SIGLEC15: variants seen among roughly 807,000 people sequenced by gnomAD.
The protein encoded by SIGLEC15 is sialic acid binding Ig like lectin 15.
In SIGLEC15, 31 loss-of-function variants were observed where a neutral mutation model predicts 26.2. The observed-to-expected ratio is 1.18, with a 90% CI of 0.89 to 1.60. The LOEUF (loss-of-function observed/expected upper bound fraction) is 1.60, where lower values mean the gene tolerates loss of function less well. Among genes scored for constraint, SIGLEC15 ranks in the 40% most tolerant of loss-of-function variants. The pLI is 0.00. For missense variants in SIGLEC15, 501 were observed against 488.4 expected (o/e 1.03, Z -0.24); for synonymous variants, 207 against 221.9 (o/e 0.93, Z 0.60).
intron 5 of SIGLEC15, 69 bp from the exon 6 acceptor site, chr18:45,842,037 G>T (rs1220028180): frequency 1.4e-6 from 2 of 1,421,086 alleles, no homozygotes; most frequent in Non-Finnish European, 2.0e-6. Context: ...CCCACTGCTG[G>T]CATATAGTTT....
intron 1 of SIGLEC15, among the ~76,000 whole-genome samples, chr18:45,836,251 C>T (rs1401455919): frequency 6.6e-5 from 10 of 152,252 alleles, no homozygotes; most frequent in Admixed American, 5.2e-4. Context: ...ATTTTCTCAC[C>T]TTTAATAATA....
In SIGLEC15 at chr18:45,838,964, C is replaced by T; in HGVS notation, c.743C>T (p.Ala248Val). 6.2e-7 allele frequency: 1 copy of T among 1,604,000 alleles called. No homozygotes were observed. ...GCCAACAGCCTGGGCCGCTCCGAGGCCAGCGTCTACCTGTTCCGCTTCCAT... is the reference window on the plus strand; with the variant it reads ...GCCAACAGCCTGGGCCGCTCCGAGGTCAGCGTCTACCTGTTCCGCTTCCAT... ...TAANSLGRSE[A>V]SVYLFRFHGA... The change falls in exon 4 of 6, where the codon GCC becomes GTC. Residue 248 changes from alanine (A) to valine (V), a missense_variant. Ala to Val is a moderately conservative substitution (Grantham distance 64, BLOSUM62 0). Transcript: ENST00000389474.
intron 1 of SIGLEC15, among the ~76,000 whole-genome samples, chr18:45,830,752 A>ACT (rs2048228519): frequency 8.5e-6 from 1 of 118,140 alleles, no homozygotes; most frequent in Admixed American, 9.1e-5. Context: ...TGCCAGGCTA[A>ACT]TTTTTTTTTT....
intron 1 of SIGLEC15, among the ~76,000 whole-genome samples, chr18:45,833,663 C>T (rs139152638): frequency 4.1e-4 from 62 of 152,236 alleles, no homozygotes; most frequent in Admixed American, 1.4e-3. Context: ...TATATCCTGA[C>T]GTACAGATTT....
At chr18:45,828,720 C>A (rs936910589) in intron 1 of SIGLEC15, among the ~76,000 whole-genome samples, 1 of 152,240 alleles carries the variant, frequency 6.6e-6, no homozygotes, top group African/African-American at 2.4e-5. Flanking sequence ...TGTGCATCCA[C>A]CTCTCCCGCA....
At chr18:45,833,192 G>T (rs564085187) in intron 1 of SIGLEC15, among the ~76,000 whole-genome samples, 9 of 152,268 alleles carry the variant, frequency 5.9e-5, no homozygotes, top group African/African-American at 2.2e-4. Context: ...ACTACCCAGG[G>T]TTAAGCCTTG....
intron 1 of SIGLEC15, 148 bp from the exon 2 acceptor site, chr18:45,836,881 C>G: frequency 1.8e-6 from 1 of 565,800 alleles, no homozygotes; most frequent in Non-Finnish European, 3.2e-6. Flanking sequence ...AAGTTCCCAG[C>G]CTCTAGTGCA....
chr18:45,838,036 C>T (rs1051718483), intron 3 of SIGLEC15, 140 bp downstream of exon 3: 2 of 1,116,302 alleles, frequency 1.8e-6, no homozygotes, highest in Non-Finnish European at 2.4e-6. Context: ...CCCCAGGGAT[C>T]TCACACCTGG....
At position 45,837,894 on chromosome 18, in the gene SIGLEC15, C is replaced by T; in HGVS notation, c.494C>T (p.Thr165Ile). 6.6e-7 allele frequency: 1 copy of T among 1,510,810 alleles called. No individual in the cohort carries two copies. The highest frequency in any genetic ancestry group is 8.8e-7 in the Non-Finnish European group (1 of 1,140,664). The allele number at this position is 1,510,810 out of a possible 1,614,324, so 93.6% of individuals were successfully genotyped here. A position where few individuals can be genotyped will look rare whatever the true frequency, so the allele number is the denominator to read the frequency against. The stretch of plus-strand genomic sequence containing the variant: ...CGCCACGGCGTCCGGCTGCACGTGA[C>T]AGGCGAGGCGGCGTGGGAGCGGGTC... ...ESRHGVRLHV[T>I]AAPRIVNISV... Residue 165 changes from threonine (T) to isoleucine (I), a missense_variant and splice_region_variant, in exon 3 of 6, where the codon ACA (threonine) becomes ATA (isoleucine). By Grantham distance (89) the Thr-to-Ile change is moderately conservative. Coordinates refer to ENST00000389474, the MANE Select transcript of SIGLEC15 (RefSeq NM_213602.3).
chr18:45,836,717 G>A (rs2048279004), intron 1 of SIGLEC15, among the ~76,000 whole-genome samples: 1 of 152,230 alleles, frequency 6.6e-6, no homozygotes, highest in African/African-American at 2.4e-5. Flanking sequence ...AGGCACTAGG[G>A]AAGCCAGTCA....
At chr18:45,830,357 G>C (rs1479532504) in intron 1 of SIGLEC15, among the ~76,000 whole-genome samples, 1 of 152,214 alleles carries the variant, frequency 6.6e-6, no homozygotes, top group Non-Finnish European at 1.5e-5. Flanking sequence ...TTCGGCATCA[G>C]TCAACTGCTC....
At position 45,827,330 on chromosome 18, in the gene SIGLEC15, G is replaced by A. The variant is rs564700933; in HGVS notation, c.52+1550G>A. 6.4e-4 allele frequency among the ~76,000 whole-genome samples: 98 copies of A among 152,302 alleles called. No individual in the cohort carries two copies. In the Middle Eastern group the frequency reaches 0.01, roughly 16 times the overall value. On this transcript the variant is annotated intron_variant, in intron 1 of 5. Transcript: ENST00000389474. ...CTGGGATTTGAACCCAGGTGTGTGG[G>A]GCTTTTGGCTGGGCCCCCCCACTAC...
chr18:45,830,971 T>C (rs2048231001), intron 1 of SIGLEC15, among the ~76,000 whole-genome samples: 1 of 152,162 alleles, frequency 6.6e-6, no homozygotes, highest in Admixed American at 6.6e-5. Flanking sequence ...CAGACATAGA[T>C]TTTTAGAATT....
chr18:45,841,725 G>A (rs1369739420), intron 5 of SIGLEC15, among the ~76,000 whole-genome samples: 2 of 152,314 alleles, frequency 1.3e-5, no homozygotes. Flanking sequence ...AGAGTGGGGC[G>A]GGTGTGAGGG....
chr18:45,831,089 G>C (rs2048231623), intron 1 of SIGLEC15, among the ~76,000 whole-genome samples: 1 of 152,158 alleles, frequency 6.6e-6, no homozygotes, highest in East Asian at 1.9e-4. Context: ...ATCAGAGCTA[G>C]GGCTGGAGCC....
intron 5 of SIGLEC15, 91 bp from the exon 6 acceptor site, chr18:45,842,015 T>C (rs2048328305): frequency 8.5e-7 from 1 of 1,174,366 alleles, no homozygotes; most frequent in South Asian, 1.2e-5. Context: ...CCAGAATGTC[T>C]CCTCTTCTTG....
At chr18:45,833,745 A>C (rs1456977524) in intron 1 of SIGLEC15, among the ~76,000 whole-genome samples, 2 of 152,204 alleles carry the variant, frequency 1.3e-5, no homozygotes, top group African/African-American at 2.4e-5. Flanking sequence ...TTAGTTCATA[A>C]ACTAAAATTT....
intron 1 of SIGLEC15, among the ~76,000 whole-genome samples, chr18:45,832,233 C>T (rs1253402928): frequency 1.3e-5 from 2 of 152,224 alleles, no homozygotes; most frequent in Non-Finnish European, 2.9e-5. Context: ...CGCCATTTTG[C>T]AGCAGAGGAC....
At chr18:45,841,668 G>T (rs1447837220) in intron 5 of SIGLEC15, among the ~76,000 whole-genome samples, 1 of 152,174 alleles carries the variant, frequency 6.6e-6, no homozygotes, top group Non-Finnish European at 1.5e-5. Context: ...GGGGTTGGGA[G>T]CCTGAGCCCT....
Sources: gnomAD v4.1 joint callset for allele counts (sites outside exome capture counted in the v4.1 genomes callset) on GRCh38, gnomAD v4.1.1 for gene constraint, MANE v1.5 for transcripts, NCBI Gene and HGNC (gene_info 2026-07-23, HGNC 2026-07-21) for gene names.